The following AHCYL2 variants were observed in gnomAD, a reference collection of about 807,000 sequenced individuals.
The protein encoded by AHCYL2 is S-adenosylhomocysteine hydrolase-like protein 2.
AHCYL2 carries 28 observed loss-of-function variants against 81.4 expected under a neutral mutation model. The observed-to-expected ratio is 0.34, with a 90% CI of 0.25 to 0.47. The LOEUF is 0.47. AHCYL2 is among the 20% of genes least tolerant of loss of function. The pLI, the probability that AHCYL2 is intolerant of heterozygous loss-of-function variation, is 1.00. For synonymous variants in AHCYL2, 272 were observed against 290.2 expected, an observed-to-expected ratio of 0.94 and a Z score of 0.64; for missense variants, 551 against 785.1, an observed-to-expected ratio of 0.70 and a Z score of 3.56.
Position 129,370,692 on chromosome 7 carries a change from C to T in AHCYL2, c.364-8946C>T, listed in dbSNP as rs567815738. Among the ~76,000 whole-genome samples the T allele has an allele frequency of 1.1e-4, 16 of 152,278 alleles. No homozygotes were observed. In the South Asian group the frequency reaches 1.4e-3, roughly 14 times the overall value. On this transcript the variant is annotated intron_variant, in intron 1 of 16. Coordinates refer to ENST00000325006, the MANE Select transcript of AHCYL2 (RefSeq NM_015328.4). ...CAGCCTGGGCGACAGGGTGAGACTC[C>T]GTCTCAAAACAAACAAACAAAATAA...
intron 13 of AHCYL2, among the ~76,000 whole-genome samples, chr7:129,423,753 C>T (rs945619286): frequency 6.6e-6 from 1 of 151,774 alleles, no homozygotes; most frequent in Admixed American, 6.6e-5. Flanking sequence ...ATCTAGGGGC[C>T]CATAAGTTAG....
At chr7:129,351,833 T>C (rs1793574736) in intron 1 of AHCYL2, among the ~76,000 whole-genome samples, 1 of 152,216 alleles carries the variant, frequency 6.6e-6, no homozygotes, top group Non-Finnish European at 1.5e-5. Context: ...GTTTTCATAA[T>C]AATACTAAGG....
At chr7:129,293,640 TA>T (rs917215118) in intron 1 of AHCYL2, among the ~76,000 whole-genome samples, 27 of 147,314 alleles carry the variant, frequency 1.8e-4, no homozygotes, top group African/African-American at 4.7e-4. Flanking sequence ...CCCCTCCCCC[TA>T]AAAAAAAAAC....
chr7:129,382,484 C>T (rs377206521), intron 2 of AHCYL2, among the ~76,000 whole-genome samples: 2 of 152,190 alleles, frequency 1.3e-5, no homozygotes, highest in East Asian at 3.8e-4. Context: ...CCTGTAATCC[C>T]AGCTACTCCG....
At chr7:129,350,873 T>G (rs1793538421) in intron 1 of AHCYL2, among the ~76,000 whole-genome samples, 1 of 151,880 alleles carries the variant, frequency 6.6e-6, no homozygotes, top group South Asian at 2.1e-4. Context: ...CCCGCTAATT[T>G]TTGTATATTT....
intron 1 of AHCYL2, among the ~76,000 whole-genome samples, chr7:129,350,070 A>G (rs929488688): frequency 1.2e-4 from 19 of 152,144 alleles, no homozygotes; most frequent in African/African-American, 2.9e-4. Flanking sequence ...ATTTTTGCCT[A>G]TTGCTTCAAA....
chr7:129,401,439 C>T (rs1306132300), intron 6 of AHCYL2, among the ~76,000 whole-genome samples: 1 of 151,922 alleles, frequency 6.6e-6, no homozygotes, highest in Non-Finnish European at 1.5e-5. Context: ...AGGGAATGTA[C>T]TGAGAAAAGA....
At chr7:129,229,636 G>C (rs1794349183) in intron 1 of AHCYL2, among the ~76,000 whole-genome samples, 1 of 152,164 alleles carries the variant, frequency 6.6e-6, no homozygotes, top group East Asian at 1.9e-4. Flanking sequence ...AGAATACTAA[G>C]TGAACTCTAA....
chr7:129,354,413 T>C (rs537892033), intron 1 of AHCYL2, among the ~76,000 whole-genome samples: 10 of 152,232 alleles, frequency 6.6e-5, no homozygotes, highest in African/African-American at 2.2e-4. Flanking sequence ...AGCCAGACAT[T>C]TGAGAAAGTA....
intron 1 of AHCYL2, among the ~76,000 whole-genome samples, chr7:129,378,095 C>G (rs982200326): frequency 3.9e-5 from 6 of 152,126 alleles, no homozygotes; most frequent in African/African-American, 7.2e-5. Context: ...AGGTGGATCA[C>G]AAGGTCAAGA....
intron 11 of AHCYL2, 42 bp from the exon 12 acceptor site, chr7:129,413,552 A>T: frequency 6.9e-7 from 1 of 1,449,386 alleles, no homozygotes; most frequent in Non-Finnish European, 9.7e-7. Context: ...TCTGTGGATT[A>T]TCTTTCTCCA....
At chr7:129,398,076 G>A (rs748876136) in intron 5 of AHCYL2, among the ~76,000 whole-genome samples, 3 of 151,766 alleles carry the variant, frequency 2.0e-5, no homozygotes, top group South Asian at 2.1e-4. Flanking sequence ...TAGTGCAGTC[G>A]TGTTTCACTG....
At chr7:129,354,553 A>G (rs553931297) in intron 1 of AHCYL2, among the ~76,000 whole-genome samples, 1 of 152,334 alleles carries the variant, frequency 6.6e-6, no homozygotes, top group African/African-American at 2.4e-5. Flanking sequence ...AGGCGTAGGC[A>G]TGACCATTTG....
At position 129,413,683 on chromosome 7, in the gene AHCYL2, G is replaced by A; in HGVS notation, c.1456G>A (p.Asp486Asn). Residue 486 changes from aspartate to asparagine, a missense_variant, in exon 12 of 17, where the codon GAC becomes AAC. Asp to Asn is a conservative substitution (Grantham distance 23). Around this residue, in one of 2 missense-constraint regions of AHCYL2, gnomAD observed 316 missense variants for 543.1 expected, o/e 0.58. Coordinates refer to ENST00000325006, the MANE Select transcript of AHCYL2 (RefSeq NM_015328.4). The stretch of plus-strand genomic sequence containing the variant: ...CATGGGACATTCCAACACAGAGATT[G>A]ACGTGGTAAGATCAAGTAGCTCATT... ...CNMGHSNTEI[D>N]VASLRTPELT... is the part of the protein sequence containing the mutation. 6.2e-7 allele frequency: 1 copy of A among 1,613,870 alleles called. No individual in the cohort carries two copies.
At chr7:129,305,755 T>C (rs1196294792) in intron 1 of AHCYL2, among the ~76,000 whole-genome samples, 1 of 152,244 alleles carries the variant, frequency 6.6e-6, no homozygotes, top group Non-Finnish European at 1.5e-5. Context: ...AAGAACTCAC[T>C]TTAGTGTTTC....
chr7:129,228,981 T>C (rs1794322630), intron 1 of AHCYL2, among the ~76,000 whole-genome samples: 1 of 152,190 alleles, frequency 6.6e-6, no homozygotes, highest in South Asian at 2.1e-4. Flanking sequence ...TCCTTTTGCC[T>C]GTTACAAGAG....
intron 1 of AHCYL2, among the ~76,000 whole-genome samples, chr7:129,276,805 A>T (rs1563177568): frequency 6.6e-6 from 1 of 150,454 alleles, no homozygotes; most frequent in Admixed American, 6.6e-5. Context: ...TTGGTTTTCT[A>T]AAAAAAAAGA....
intron 1 of AHCYL2, among the ~76,000 whole-genome samples, chr7:129,340,479 A>G (rs1449110851): frequency 3.3e-5 from 5 of 150,718 alleles, no homozygotes; most frequent in Admixed American, 6.6e-5. Context: ...GAGGCAGGAG[A>G]ATGGCGTGAA....
At chr7:129,369,003 C>T (rs985854659) in intron 1 of AHCYL2, among the ~76,000 whole-genome samples, 15 of 152,160 alleles carry the variant, frequency 9.9e-5, no homozygotes, top group Non-Finnish European at 1.5e-4. Context: ...CCTCCCTGCC[C>T]GTATTTTTCC....
Sources: gnomAD v4.1 joint callset for allele counts (sites outside exome capture counted in the v4.1 genomes callset) on GRCh38, gnomAD v4.1.1 for gene constraint, gnomAD v4.1.1 regional missense constraint, MANE v1.5 for transcripts, NCBI Gene and HGNC (gene_info 2026-07-23, HGNC 2026-07-21) for gene names.